NFIB: variants seen among roughly 807,000 people sequenced by gnomAD.
The protein encoded by NFIB is nuclear factor I B, also known as nuclear factor 1 B-type.
In NFIB, 11 loss-of-function variants were observed where a neutral mutation model predicts 61.5. The observed-to-expected ratio is 0.18, with a 90% CI of 0.11 to 0.30. NFIB has a LOEUF of 0.30. NFIB is among the 10% of genes least tolerant of loss of function. The pLI, the probability that NFIB is intolerant of heterozygous loss-of-function variation, is 1.00. For synonymous variants in NFIB, 260 were observed against 216.5 expected (o/e 1.20, Z -1.76); for missense variants, 471 against 608.9 (o/e 0.77, Z 2.38).
At position 14,206,869 on chromosome 9, in the gene NFIB, A is replaced by C. The variant is rs532454257; in HGVS notation, c.563-27089T>G. On this transcript the variant is annotated intron_variant, in intron 2 of 10. Transcript: ENST00000380953. The stretch of plus-strand genomic sequence containing the variant: ...TCTTACTGACTGCACAAGACAGTGC[A>C]ACGCATATAAAATTGTCACCTACAA... Among the ~76,000 whole-genome samples the C allele has an allele frequency of 4.6e-5, 7 of 152,282 alleles. No individual in the cohort carries two copies. The South Asian group carries it at 1.5e-3, about 32-fold the overall frequency.
chr9:14,500,697 G>A, the NFIB span, among the ~76,000 whole-genome samples: 1 of 152,208 alleles, frequency 6.6e-6, no homozygotes, highest in Admixed American at 6.5e-5. Flanking sequence ...ATGAATGGAT[G>A]AGTGAATGAA....
chr9:14,441,179 G>A, the NFIB span, among the ~76,000 whole-genome samples: 2 of 148,358 alleles, frequency 1.3e-5, no homozygotes, highest in Non-Finnish European at 3.0e-5. Context: ...AAAAAAAATC[G>A]GACGGAAAAC....
chr9:14,221,823 C>T (rs1412057269), intron 2 of NFIB, among the ~76,000 whole-genome samples: 2 of 152,224 alleles, frequency 1.3e-5, no homozygotes, highest in African/African-American at 4.8e-5. Context: ...TGAGTCATCT[C>T]TTCTCAAACT....
At chr9:14,497,149 A>G in the NFIB span, among the ~76,000 whole-genome samples, 1 of 152,222 alleles carries the variant, frequency 6.6e-6, no homozygotes, top group African/African-American at 2.4e-5. Context: ...GTCTTAAGTT[A>G]TATTCCAGGT....
intron 1 of NFIB, among the ~76,000 whole-genome samples, chr9:14,354,286 A>C (rs565888960): frequency 6.6e-6 from 1 of 152,260 alleles, no homozygotes; most frequent in East Asian, 1.9e-4. Context: ...CTCCCTCACC[A>C]CCACCTTTTG....
chr9:14,310,826 G>C (rs1563999120), intron 1 of NFIB, among the ~76,000 whole-genome samples: 1 of 152,104 alleles, frequency 6.6e-6, no homozygotes, highest in African/African-American at 2.4e-5. Flanking sequence ...AAAATAAAGA[G>C]TCTTAATTCC....
intron 10 of NFIB, among the ~76,000 whole-genome samples, chr9:14,089,079 G>T (rs577931100): frequency 6.6e-6 from 1 of 152,136 alleles, no homozygotes; most frequent in East Asian, 1.9e-4. Flanking sequence ...TAGTTCTATA[G>T]CTCTCCAGCA....
intron 6 of NFIB, among the ~76,000 whole-genome samples, chr9:14,130,147 G>T (rs1409203222): frequency 6.6e-6 from 1 of 151,872 alleles, no homozygotes; most frequent in East Asian, 1.9e-4. Flanking sequence ...TCTCCTCCAG[G>T]CCTTCCTCTC....
rs111826259 is a variant in NFIB at position 14,332,548 on chromosome 9, C to T, written c.109-25028G>A. 1.6e-4 allele frequency among the ~76,000 whole-genome samples: 24 copies of T among 152,240 alleles called. 1 individual carries two copies. The highest frequency in any genetic ancestry group is 4.3e-4 in the African/African-American group (18 of 41,560). ...TTTATGGAGCACCTCCCCTGTGCCACGCCCTGTGCTCAAGTTGAGACGGGA... is the reference window on the plus strand; with the variant it reads ...TTTATGGAGCACCTCCCCTGTGCCATGCCCTGTGCTCAAGTTGAGACGGGA... On this transcript the variant is annotated intron_variant, in intron 1 of 8. Transcript: ENST00000380934.
chr9:14,202,514 A>G (rs1025811806), intron 2 of NFIB, among the ~76,000 whole-genome samples: 1 of 152,224 alleles, frequency 6.6e-6, no homozygotes, highest in African/African-American at 2.4e-5. Context: ...GAAAGTCTCA[A>G]AAGGAGTACT....
chr9:14,375,139 C>T (rs897159941), intron 1 of NFIB, among the ~76,000 whole-genome samples: 2 of 152,122 alleles, frequency 1.3e-5, no homozygotes, highest in African/African-American at 4.8e-5. Flanking sequence ...GACTTATTCC[C>T]AACATAAGAG....
At chr9:14,329,344 C>A (rs963330939) in intron 1 of NFIB, among the ~76,000 whole-genome samples, 2 of 152,040 alleles carry the variant, frequency 1.3e-5, no homozygotes, top group Admixed American at 1.3e-4. Flanking sequence ...GCAGCCTCAC[C>A]ATAACTACTG....
chr9:14,091,705 A>G (rs1385130038), intron 10 of NFIB, among the ~76,000 whole-genome samples: 1 of 152,102 alleles, frequency 6.6e-6, no homozygotes, highest in Non-Finnish European at 1.5e-5. Context: ...TTAGGCAAAG[A>G]GAAGATGAGC....
chr9:14,358,639 G>C (rs947401985), intron 1 of NFIB, among the ~76,000 whole-genome samples: 1 of 152,130 alleles, frequency 6.6e-6, no homozygotes, highest in Non-Finnish European at 1.5e-5. Context: ...TAGCACCCCA[G>C]TTTTCTCTAA....
the NFIB span, among the ~76,000 whole-genome samples, chr9:14,528,136 T>C: frequency 6.6e-6 from 1 of 152,174 alleles, no homozygotes; most frequent in Admixed American, 6.6e-5. Flanking sequence ...CTCAAAGGCT[T>C]CAGAGAAATG....
At position 14,174,120 on chromosome 9, in the gene NFIB, C is replaced by A. The variant is rs573033916; in HGVS notation, c.616+5607G>T. ...CATTTAAGAACTTTATTGAATGTGACGTCTCCAAACAAGTTAGAGGATAAA... is the reference window on the plus strand; with the variant it reads ...CATTTAAGAACTTTATTGAATGTGAAGTCTCCAAACAAGTTAGAGGATAAA... On this transcript the variant is annotated intron_variant, in intron 3 of 10. Coordinates refer to ENST00000380953, the MANE Select transcript of NFIB (RefSeq NM_001190737.2). Among the ~76,000 whole-genome samples the A allele has an allele frequency of 2.6e-5, 4 of 152,086 alleles. No individual in the cohort carries two copies. In the South Asian group the frequency reaches 6.2e-4, roughly 24 times the overall value.
chr9:14,122,836 C>G (rs2039113829), intron 7 of NFIB, among the ~76,000 whole-genome samples: 1 of 152,172 alleles, frequency 6.6e-6, no homozygotes. Context: ...CTATGGGCAA[C>G]CTGGCACTGT....
In NFIB at chr9:14,116,357, A is replaced by G. The variant is rs1158681097; in HGVS notation, c.1246-11T>C. 1.3e-6 allele frequency: 2 copies of G among 1,493,294 alleles called. No individual in the cohort carries two copies. 92.5% of individuals were successfully genotyped at this position (1,493,294 alleles called of 1,614,324 possible). A position where few individuals can be genotyped will look rare whatever the true frequency, so the allele number is the denominator to read the frequency against. On this transcript the variant is annotated splice_polypyrimidine_tract_variant and intron_variant, in intron 8 of 10. Transcript: ENST00000380953. Reference sequence around the variant, plus strand: ...ACCACTGCCGTTAGGCTACAAAACAAAAACAGAATGCCGGGTGAAGCAATC... The same window carrying G: ...ACCACTGCCGTTAGGCTACAAAACAGAAACAGAATGCCGGGTGAAGCAATC...
chr9:14,286,372 A>G (rs949815489), intron 2 of NFIB, among the ~76,000 whole-genome samples: 15 of 152,240 alleles, frequency 9.9e-5, no homozygotes, highest in African/African-American at 3.6e-4. Flanking sequence ...ACCTCCTGCA[A>G]AAAAAGCTAC....
Sources: allele counts gnomAD v4.1 joint callset (sites outside exome capture counted in the v4.1 genomes callset), GRCh38; gene constraint gnomAD v4.1.1; transcripts MANE v1.5; gene names NCBI Gene and HGNC (gene_info 2026-07-23, HGNC 2026-07-21).